The following ABCB7 variants were observed in gnomAD, a reference collection of about 807,000 sequenced individuals.
The protein encoded by ABCB7 is iron-sulfur clusters transporter ABCB7, mitochondrial.
ABCB7 carries 7 observed loss-of-function variants against 54.4 expected under a neutral mutation model. That is an observed-to-expected ratio of 0.13 (90% CI 0.07 to 0.24). The LOEUF is 0.24. Ranked by LOEUF, ABCB7 falls within the 10% of genes least tolerant of loss-of-function variation. The probability of loss-of-function intolerance (pLI) is 1.00; values close to 1 mark genes in which losing one functional copy is unlikely to be tolerated. For missense variants in ABCB7, 356 were observed against 570.4 expected, an observed-to-expected ratio of 0.62 and a Z score of 3.83; for synonymous variants, 218 against 207.1, an observed-to-expected ratio of 1.05 and a Z score of -0.45.
At chrX:75,117,016 G>A (rs996302251) in intron 1 of ABCB7, among the ~76,000 whole-genome samples, 1 of 111,305 alleles carries the variant, frequency 9.0e-6, no homozygotes, top group East Asian at 2.8e-4. Flanking sequence ...CCTTGATTAT[G>A]TGCTTGCTTA....
intron 4 of ABCB7, among the ~76,000 whole-genome samples, chrX:75,086,662 A>G (rs950590511): frequency 9.8e-5 from 11 of 112,099 alleles, no homozygotes; most frequent in African/African-American, 3.6e-4. Context: ...AAAAAAGAAT[A>G]AAGACCAGGA....
rs778790820 is a variant in ABCB7 at position 75,080,901 on chromosome X, T to C, written c.454-4247A>G. On this transcript the variant is annotated intron_variant, in intron 4 of 15. Coordinates refer to ENST00000373394, the MANE Select transcript of ABCB7 (RefSeq NM_001271696.3). ...AATAAGGCCTTTGTTGGATATGTGG[T>C]TTGCAAATATTTTCGCCCAGTCTAC... Among the ~76,000 whole-genome samples, 11 of 111,391 alleles carry C rather than the reference T, an allele frequency of 9.9e-5. No homozygotes were observed. The South Asian group carries it at 4.2e-3, about 42-fold the overall frequency.
intron 1 of ABCB7, among the ~76,000 whole-genome samples, chrX:75,153,050 G>GT (rs2082144362): frequency 9.1e-6 from 1 of 109,933 alleles, no homozygotes; most frequent in South Asian, 4.0e-4. Context: ...TATTTCTCTT[G>GT]TAAGTTCTGT....
intron 1 of ABCB7, among the ~76,000 whole-genome samples, chrX:75,115,807 G>C (rs61474260): frequency 1.9e-5 from 2 of 107,165 alleles, no homozygotes; most frequent in African/African-American, 6.8e-5. Flanking sequence ...GCACGGGGCA[G>C]AATTAGACAT....
At chrX:75,142,000 T>A (rs974353530) in intron 1 of ABCB7, among the ~76,000 whole-genome samples, 2 of 111,833 alleles carry the variant, frequency 1.8e-5, no homozygotes, top group African/African-American at 6.5e-5. Flanking sequence ...ATAATTAACA[T>A]CTGTGGGTCC....
At chrX:75,151,866 T>A (rs1237135572) in intron 1 of ABCB7, among the ~76,000 whole-genome samples, 1 of 112,158 alleles carries the variant, frequency 8.9e-6, no homozygotes, top group African/African-American at 3.2e-5. Flanking sequence ...TATTTCATTA[T>A]TTTTAACATT....
At chrX:75,137,358 T>C (rs2082017687) in intron 1 of ABCB7, among the ~76,000 whole-genome samples, 1 of 112,297 alleles carries the variant, frequency 8.9e-6, no homozygotes, top group Non-Finnish European at 1.9e-5. Flanking sequence ...GGGATGGCTA[T>C]TACTAAAAAG....
chrX:75,128,578 C>A (rs1247234044), intron 1 of ABCB7, among the ~76,000 whole-genome samples: 2 of 111,784 alleles, frequency 1.8e-5, no homozygotes, highest in Admixed American at 9.5e-5. Context: ...GCAAAGGCAA[C>A]AAAAGCCAAA....
intron 1 of ABCB7, among the ~76,000 whole-genome samples, chrX:75,149,180 T>C (rs2082113768): frequency 8.9e-6 from 1 of 111,745 alleles, no homozygotes; most frequent in African/African-American, 3.3e-5. Context: ...CTAGATATTG[T>C]AAAGAAAACT....
chrX:75,133,392 G>C (rs1382516753), intron 1 of ABCB7, among the ~76,000 whole-genome samples: 1 of 111,975 alleles, frequency 8.9e-6, no homozygotes, highest in Non-Finnish European at 1.9e-5. Context: ...AAGCAACTTA[G>C]AAAATATATT....
At chrX:75,121,958 G>A (rs1011097262) in intron 1 of ABCB7, among the ~76,000 whole-genome samples, 1 of 111,218 alleles carries the variant, frequency 9.0e-6, no homozygotes, top group Admixed American at 9.6e-5. Flanking sequence ...TCAGCCTGAA[G>A]AAATTGCATC....
intron 14 of ABCB7, among the ~76,000 whole-genome samples, chrX:75,061,978 T>G (rs1472879928): frequency 2.7e-5 from 3 of 112,586 alleles, no homozygotes; most frequent in African/African-American, 9.7e-5. Context: ...TTAATGAGTG[T>G]TAAGTGGCAA....
chrX:75,115,266 CAAAAAA>C (rs1160024642), intron 1 of ABCB7, among the ~76,000 whole-genome samples: 2 of 13,249 alleles, frequency 1.5e-4, no homozygotes, highest in African/African-American at 3.3e-4. Context: ...GACTCTGTCT[CAAAAAA>C]AAAAAAAAAA....
intron 1 of ABCB7, among the ~76,000 whole-genome samples, chrX:75,135,010 T>C (rs1469061297): frequency 9.1e-6 from 1 of 110,110 alleles, no homozygotes; most frequent in East Asian, 2.9e-4. Context: ...AGAAAACTCA[T>C]ACCAAAGATC....
intron 11 of ABCB7, 67 bp from the exon 12 acceptor site, chrX:75,069,203 A>G: frequency 1.7e-6 from 2 of 1,199,374 alleles, no homozygotes; most frequent in Admixed American, 2.2e-5. Flanking sequence ...GTTTTAAACC[A>G]CAGTAATCAT....
chrX:75,122,861 GGTGTGT>G lies in ABCB7; in HGVS notation c.169-8036_169-8031del, dbSNP rs58879235. On this transcript the variant is annotated intron_variant, in intron 1 of 15. Coordinates refer to ENST00000373394, the MANE Select transcript of ABCB7 (RefSeq NM_001271696.3). ...AGTCCTTTGCCCATTTTAAAATTGG[GGTGTGT>G]GTGTGTGTGTGTGTGTGTGTGTGTG... Among the ~76,000 whole-genome samples the G allele has an allele frequency of 2.9e-3, 271 of 93,138 alleles. 1 individual carries two copies. The highest frequency in any genetic ancestry group is 9.5e-3 in the African/African-American group (244 of 25,665). The allele number at this position is 93,138 out of a possible 115,157, so 80.9% of individuals were successfully genotyped here. A position where few individuals can be genotyped will look rare whatever the true frequency, so the allele number is the denominator to read the frequency against.
intron 13 of ABCB7, among the ~76,000 whole-genome samples, chrX:75,063,872 G>C (rs2081298968): frequency 9.0e-6 from 1 of 111,633 alleles, no homozygotes; most frequent in Admixed American, 9.6e-5. Flanking sequence ...TCCCTCAAAG[G>C]CATGCAGAAA....
At chrX:75,147,988 C>G (rs764972199) in intron 1 of ABCB7, among the ~76,000 whole-genome samples, 1 of 111,049 alleles carries the variant, frequency 9.0e-6, no homozygotes, top group Non-Finnish European at 1.9e-5. Context: ...TGGTGGTGTG[C>G]GCCTGTAATC....
intron 1 of ABCB7, among the ~76,000 whole-genome samples, 167 bp from the exon 2 acceptor site, chrX:75,114,998 G>GCA (rs2081796573): frequency 9.0e-6 from 1 of 111,264 alleles, no homozygotes; most frequent in African/African-American, 3.3e-5. Context: ...GGCCGGGCCT[G>GCA]GTGGCTCACG....
Sources: allele counts gnomAD v4.1 joint callset (sites outside exome capture counted in the v4.1 genomes callset), GRCh38; gene constraint gnomAD v4.1.1; transcripts MANE v1.5; gene names NCBI Gene and HGNC (gene_info 2026-07-23, HGNC 2026-07-21).